Variants in PCDHGA9 observed in about 807,000 individuals in gnomAD.
The protein encoded by PCDHGA9 is protocadherin gamma subfamily A, 9.
Under a neutral mutation model 62.5 loss-of-function variants are expected in PCDHGA9, and 37 were observed. That is an observed-to-expected ratio of 0.59 (90% CI 0.46 to 0.78). The LOEUF (loss-of-function observed/expected upper bound fraction) is 0.78, where lower values mean the gene tolerates loss of function less well. PCDHGA9 is among the 30% of genes least tolerant of loss of function. The pLI is 0.00. For missense variants in PCDHGA9, 1,138 were observed against 1,166.2 expected, an observed-to-expected ratio of 0.98 and a Z score of 0.35; for synonymous variants, 459 against 484.6, an observed-to-expected ratio of 0.95 and a Z score of 0.69.
Position 141,431,581 on chromosome 5 carries a change from T to A in PCDHGA9, c.2424+26205T>A, listed in dbSNP as rs749863807. Reference sequence around the variant, plus strand: ...CTACCGACCCTGACGAAGGAGTCAATGCGGAAGTGAGGTATTCCTTCCGGT... The same window carrying A: ...CTACCGACCCTGACGAAGGAGTCAAAGCGGAAGTGAGGTATTCCTTCCGGT... On this transcript the variant is annotated intron_variant, in intron 1 of 3. Coordinates refer to ENST00000573521, the MANE Select transcript of PCDHGA9 (RefSeq NM_018921.3). This position sits in a 1 kb window ranked among gnomAD's most constrained non-coding sequence, Gnocchi z 4.8. 3.1e-6 allele frequency: 5 copies of A among 1,614,160 alleles called. No individual in the cohort carries two copies. In the South Asian group the frequency reaches 5.5e-5, roughly 18 times the overall value.
At chr5:141,494,772 G>C in intron 1 of PCDHGA9, 35 bp from the exon 2 acceptor site, 1 of 1,613,982 alleles carries the variant, frequency 6.2e-7, no homozygotes, top group Non-Finnish European at 8.5e-7. Context: ...ACTTCTCACG[G>C]GTACTCAGCC....
At chr5:141,427,499 T>C in intron 1 of PCDHGA9, 2 of 571,516 alleles carry the variant, frequency 3.5e-6, no homozygotes, top group Non-Finnish European at 3.3e-6. Flanking sequence ...TTGTAACAGA[T>C]GGGACCCTGG....
chr5:141,477,564 A>T lies in PCDHGA9; in HGVS notation c.2425-17243A>T. 2 of 1,613,924 alleles carry T rather than the reference A, an allele frequency of 1.2e-6. No individual in the cohort carries two copies. The highest frequency in any genetic ancestry group is 1.7e-6 in the Non-Finnish European group (2 of 1,179,980). On this transcript the variant is annotated intron_variant, in intron 1 of 3. Coordinates refer to ENST00000573521, the MANE Select transcript of PCDHGA9 (RefSeq NM_018921.3). The surrounding 1 kb of genome is among the most constrained non-coding windows in gnomAD (Gnocchi z 4.9). ...CCAATACTAAACCTAAGTGTCTGGG[A>T]CCCCGACGCCCCGCAGAATGCTCGG... is the stretch of plus-strand genomic sequence containing the variant.
intron 1 of PCDHGA9, chr5:141,418,727 C>T: frequency 6.2e-7 from 1 of 1,613,976 alleles, no homozygotes; most frequent in Non-Finnish European, 8.5e-7. Flanking sequence ...CAAAGCTCAG[C>T]ACGTGTTCTC....
chr5:141,488,131 G>A (rs2099672034), intron 1 of PCDHGA9, among the ~76,000 whole-genome samples: 1 of 152,202 alleles, frequency 6.6e-6, no homozygotes, highest in Non-Finnish European at 1.5e-5. Context: ...GCAGAAAGAG[G>A]AGAGAACTAA....
chr5:141,490,288 G>A lies in PCDHGA9; in HGVS notation c.2425-4519G>A. On this transcript the variant is annotated intron_variant, in intron 1 of 3. Coordinates refer to ENST00000573521, the MANE Select transcript of PCDHGA9 (RefSeq NM_018921.3). The surrounding 1 kb of genome is among the most constrained non-coding windows in gnomAD (Gnocchi z 5.4). ...GGATGTCAATGACAATGCCCCAGAG[G>A]TGCTATTGGCCTCTTTGGCCAACCC... The A allele has an allele frequency of 3.7e-6, 6 of 1,614,198 alleles. No individual in the cohort carries two copies. The highest frequency in any genetic ancestry group is 5.1e-6 in the Non-Finnish European group (6 of 1,180,042).
rs1048758308 is a variant in PCDHGA9 at position 141,498,931 on chromosome 5, A to T, written c.2483+4066A>T. Among the ~76,000 whole-genome samples the T allele has an allele frequency of 6.2e-4, 88 of 141,764 alleles. 1 individual carries two copies. Among genetic ancestry groups the T allele is most frequent in the Non-Finnish European group, 1.1e-3 (70 of 64,686 alleles). 93.0% of individuals were successfully genotyped at this position (141,764 alleles called of 152,430 possible). On this transcript the variant is annotated intron_variant, in intron 2 of 3. Coordinates refer to ENST00000573521, the MANE Select transcript of PCDHGA9 (RefSeq NM_018921.3). ...CTGGGTGACAGAGCGAGACTCCATC[A>T]GGAAAGAAAGAAAGAAAAAGAGAGA... is the stretch of plus-strand genomic sequence containing the variant.
At chr5:141,459,737 A>T (rs2098974670) in intron 1 of PCDHGA9, among the ~76,000 whole-genome samples, 1 of 152,176 alleles carries the variant, frequency 6.6e-6, no homozygotes, top group African/African-American at 2.4e-5. Flanking sequence ...CAATTTTTTA[A>T]ATTTTAGCAA....
intron 1 of PCDHGA9, chr5:141,409,395 C>T: frequency 6.2e-7 from 1 of 1,614,030 alleles, no homozygotes; most frequent in South Asian, 1.1e-5. Flanking sequence ...TATTCTTCTT[C>T]CAATAACTAC....
intron 2 of PCDHGA9, among the ~76,000 whole-genome samples, chr5:141,501,728 C>A (rs1284130771): frequency 1.3e-5 from 2 of 152,134 alleles, no homozygotes; most frequent in East Asian, 1.9e-4. Flanking sequence ...ATATATTACC[C>A]AGTCAGCTTA....
chr5:141,420,465 A>G, intron 1 of PCDHGA9: 1 of 807,604 alleles, frequency 1.2e-6, no homozygotes. Context: ...ATTCAAAGAC[A>G]TTTTAAAGCA....
intron 1 of PCDHGA9, chr5:141,416,916 T>A (rs751743318): frequency 5.5e-4 from 83 of 152,132 alleles, no homozygotes; most frequent in Non-Finnish European, 8.5e-4. Flanking sequence ...CTCTTTAGGG[T>A]CATAGTTATT....
intron 1 of PCDHGA9, chr5:141,411,426 A>T (rs115154023): frequency 6.6e-6 from 1 of 151,648 alleles, no homozygotes; most frequent in Non-Finnish European, 1.5e-5. Flanking sequence ...ACAACAACAA[A>T]AAAAAACATT....
At chr5:141,409,571 T>A in intron 1 of PCDHGA9, 2 of 1,613,932 alleles carry the variant, frequency 1.2e-6, no homozygotes, top group Non-Finnish European at 1.7e-6. Context: ...CCAGACGTCC[T>A]ACGTGGTCCA....
At chr5:141,418,265 G>A (rs2096242953) in intron 1 of PCDHGA9, 1 of 1,614,062 alleles carries the variant, frequency 6.2e-7, no homozygotes, top group East Asian at 2.2e-5. Context: ...ATTCCGGAAA[G>A]ATGAAATAAA....
chr5:141,471,591 A>T (rs925105880), intron 1 of PCDHGA9: 1 of 152,294 alleles, frequency 6.6e-6, no homozygotes, highest in South Asian at 2.1e-4. Context: ...AGTAATTGAT[A>T]GTTTCAAAAT....
rs375537017 is a variant in PCDHGA9 at position 141,419,439 on chromosome 5, C to T, written c.2424+14063C>T. 22 of 1,613,154 alleles carry T rather than the reference C, an allele frequency of 1.4e-5. No individual in the cohort carries two copies. Among genetic ancestry groups the T allele is most frequent in the Non-Finnish European group, 1.7e-5 (20 of 1,179,788 alleles). On this transcript the variant is annotated intron_variant, in intron 1 of 3. Transcript: ENST00000573521. ...GCCTTCGACCACGAGCAGCTGCGCACCTTCGAGCTCACGCTGCAGGCCCGC... is the reference window on the plus strand; with the variant it reads ...GCCTTCGACCACGAGCAGCTGCGCATCTTCGAGCTCACGCTGCAGGCCCGC...
At chr5:141,437,047 G>C (rs2097860477) in intron 1 of PCDHGA9, among the ~76,000 whole-genome samples, 1 of 152,214 alleles carries the variant, frequency 6.6e-6, no homozygotes, top group Admixed American at 6.5e-5. Context: ...AAACCAGAAG[G>C]CTGGTGATCA....
chr5:141,424,082 C>T (rs2096798510), intron 1 of PCDHGA9: 2 of 957,226 alleles, frequency 2.1e-6, no homozygotes, highest in East Asian at 1.1e-4. Flanking sequence ...TTATATTCCA[C>T]CATTATTTGC....
Sources: gnomAD v4.1 joint callset for allele counts (sites outside exome capture counted in the v4.1 genomes callset) on GRCh38, gnomAD v4.1.1 for gene constraint, Gnocchi (gnomAD v3.1) non-coding constraint, MANE v1.5 for transcripts, NCBI Gene and HGNC (gene_info 2026-07-23, HGNC 2026-07-21) for gene names.